RYR3: variants seen among roughly 807,000 people sequenced by gnomAD.
RYR3 encodes the protein brain ryanodine receptor-calcium release channel.
Under a neutral mutation model 584.3 loss-of-function variants are expected in RYR3, and 207 were observed. That is an observed-to-expected ratio of 0.35 (90% confidence interval 0.32 to 0.40). RYR3 has a LOEUF of 0.40. RYR3 is among the 10% of genes least tolerant of loss of function. The pLI is 1.00. For synonymous variants in RYR3, 2,416 were observed against 2,248.5 expected, an observed-to-expected ratio of 1.07 and a Z score of -2.11; for missense variants, 5,616 against 6,089.2, an observed-to-expected ratio of 0.92 and a Z score of 2.59.
chr15:33,791,173 AAG>A (rs1224027350), intron 67 of RYR3, among the ~76,000 whole-genome samples: 1 of 152,244 alleles, frequency 6.6e-6, no homozygotes, highest in African/African-American at 2.4e-5. Context: ...AAATGTGGCC[AAG>A]AGAGGAGTTG....
intron 51 of RYR3, among the ~76,000 whole-genome samples, chr15:33,740,387 A>G (rs1399906249): frequency 1.3e-5 from 2 of 152,210 alleles, no homozygotes; most frequent in East Asian, 1.9e-4. Context: ...CAACAGCTCC[A>G]TAAATAACAC....
At chr15:33,826,579 C>A in intron 83 of RYR3, 93 bp from the exon 84 acceptor site, 1 of 1,131,804 alleles carries the variant, frequency 8.8e-7, no homozygotes, top group Non-Finnish European at 1.3e-6. Flanking sequence ...CATTCTGACA[C>A]AACTCCTTTA....
intron 38 of RYR3, among the ~76,000 whole-genome samples, chr15:33,672,220 A>G (rs1596083088): frequency 1.3e-5 from 2 of 152,096 alleles, no homozygotes. Flanking sequence ...AGATGAAGTC[A>G]CTTGTCACCT....
chr15:33,433,487 A>C (rs2045382071), intron 1 of RYR3, among the ~76,000 whole-genome samples: 2 of 152,222 alleles, frequency 1.3e-5, no homozygotes, highest in Admixed American at 1.3e-4. Flanking sequence ...CATAGAAGTA[A>C]TGATACACTC....
intron 1 of RYR3, among the ~76,000 whole-genome samples, chr15:33,342,367 G>T (rs1407532337): frequency 1.3e-5 from 2 of 152,188 alleles, no homozygotes; most frequent in Non-Finnish European, 2.9e-5. Context: ...TATGTCCACT[G>T]AAAGTTAAGC....
chr15:33,774,186 A>C (rs2152892073), intron 64 of RYR3, among the ~76,000 whole-genome samples: 1 of 152,310 alleles, frequency 6.6e-6, no homozygotes, highest in Non-Finnish European at 1.5e-5. Flanking sequence ...TGCTTGTCAC[A>C]GCAGAGACCC....
intron 1 of RYR3, among the ~76,000 whole-genome samples, chr15:33,358,447 A>G (rs1460911562): frequency 6.6e-6 from 1 of 152,210 alleles, no homozygotes; most frequent in Non-Finnish European, 1.5e-5. Context: ...AAAGAGGGGA[A>G]TTTAGACAGG....
intron 3 of RYR3, among the ~76,000 whole-genome samples, chr15:33,521,947 G>T (rs1227104030): frequency 6.6e-6 from 1 of 152,052 alleles, no homozygotes; most frequent in Non-Finnish European, 1.5e-5. Flanking sequence ...CCTGTTTTCT[G>T]AACTTCATTA....
chr15:33,428,009 C>T lies in RYR3; in HGVS notation c.52-45410C>T, dbSNP rs376665948. On this transcript the variant is annotated intron_variant, in intron 1 of 103. Coordinates refer to ENST00000634891, the MANE Select transcript of RYR3 (RefSeq NM_001036.6). ...GGAGATCTCTCTGACCTGACCTCTT[C>T]TCCCTTATCAATCCCTATCATCAGA... 7.2e-5 allele frequency among the ~76,000 whole-genome samples: 11 copies of T among 152,368 alleles called. No homozygotes were observed. The East Asian group carries it at 2.1e-3, about 29-fold the overall frequency.
At chr15:33,366,388 G>A (rs1454740859) in intron 1 of RYR3, among the ~76,000 whole-genome samples, 1 of 152,078 alleles carries the variant, frequency 6.6e-6, no homozygotes, top group Non-Finnish European at 1.5e-5. Flanking sequence ...GCTTTCAACA[G>A]TAGTTAATAT....
At chr15:33,476,972 G>C (rs1281529730) in intron 2 of RYR3, among the ~76,000 whole-genome samples, 1 of 152,090 alleles carries the variant, frequency 6.6e-6, no homozygotes, top group Non-Finnish European at 1.5e-5. Context: ...CTCTCTTTTG[G>C]CTGGTTGTCT....
At chr15:33,450,316 C>T (rs2047016393) in intron 1 of RYR3, among the ~76,000 whole-genome samples, 2 of 152,008 alleles carry the variant, frequency 1.3e-5, no homozygotes, top group South Asian at 4.2e-4. Context: ...TTTGGGAAAA[C>T]AAGACTCTGA....
chr15:33,386,277 G>A (rs9672430), intron 1 of RYR3, among the ~76,000 whole-genome samples: 2,106 of 152,038 alleles, frequency 0.014, 50 homozygotes, highest in African/African-American at 0.047. Flanking sequence ...ACTCATTGGC[G>A]TTTCATTCCT....
intron 3 of RYR3, among the ~76,000 whole-genome samples, chr15:33,527,271 A>AAAAAT (rs570572798): frequency 1.2e-4 from 18 of 146,808 alleles, no homozygotes; most frequent in African/African-American, 3.9e-4. Flanking sequence ...AAATTCTTTA[A>AAAAAT]AAAATAAAAT....
At chr15:33,700,305 G>A (rs2066207175) in intron 41 of RYR3, among the ~76,000 whole-genome samples, 2 of 152,178 alleles carry the variant, frequency 1.3e-5, no homozygotes, top group African/African-American at 4.8e-5. Flanking sequence ...AGGCAGACTG[G>A]CCAAGAGCAA....
At chr15:33,564,313 C>T (rs908777877) in intron 11 of RYR3, among the ~76,000 whole-genome samples, 7 of 152,042 alleles carry the variant, frequency 4.6e-5, no homozygotes, top group Non-Finnish European at 1.0e-4. Flanking sequence ...AATAGTAAAG[C>T]GAAACTGCTG....
intron 25 of RYR3, 104 bp downstream of exon 25, chr15:33,634,837 T>C (rs2152643255): frequency 1.0e-6 from 1 of 959,556 alleles, no homozygotes; most frequent in African/African-American, 1.6e-5. Context: ...TTGGAAATAG[T>C]ATTGGGGCTG....
chr15:33,350,712 C>T (rs976643163), intron 1 of RYR3, among the ~76,000 whole-genome samples: 18 of 152,100 alleles, frequency 1.2e-4, no homozygotes, highest in African/African-American at 4.1e-4. Context: ...TTGAAACCAA[C>T]GAGAACAAAG....
chr15:33,754,462 C>T (rs1186188605), intron 57 of RYR3, among the ~76,000 whole-genome samples: 1 of 152,218 alleles, frequency 6.6e-6, no homozygotes, highest in African/African-American at 2.4e-5. Flanking sequence ...GACCTTTGCA[C>T]TGTCTCTTCG....
Sources: allele counts gnomAD v4.1 joint callset (sites outside exome capture counted in the v4.1 genomes callset), GRCh38; gene constraint gnomAD v4.1.1; transcripts MANE v1.5; gene names NCBI Gene and HGNC (gene_info 2026-07-23, HGNC 2026-07-21).